PELI2: variants seen among roughly 807,000 people sequenced by gnomAD.
PELI2 encodes pellino E3 ubiquitin protein ligase family member 2.
In PELI2, 23 loss-of-function variants were observed where a neutral mutation model predicts 42.3. The observed-to-expected ratio is 0.54, with a 90% CI of 0.39 to 0.77. The LOEUF is 0.77. Among genes scored for constraint, PELI2 ranks in the 30% least tolerant of loss-of-function variants. The pLI is 0.00. For missense variants in PELI2, 463 were observed against 553.2 expected (o/e 0.84, Z 1.64); for synonymous variants, 245 against 212.2 (o/e 1.15, Z -1.34).
At position 56,134,837 on chromosome 14, in the gene PELI2, T is replaced by C. The variant is rs1316209141; in HGVS notation, c.77+16100T>C. Among the ~76,000 whole-genome samples, 5 of 152,224 alleles carry C rather than the reference T, an allele frequency of 3.3e-5. No individual in the cohort carries two copies. The East Asian group carries it at 9.7e-4, about 29-fold the overall frequency. The stretch of plus-strand genomic sequence containing the variant: ...AGCAGGAAAATATAAACCATCTTTT[T>C]TGTGTTTTTCTTTTATTACACCATC... On this transcript the variant is annotated intron_variant, in intron 1 of 5. Transcript: ENST00000267460.
intron 1 of PELI2, among the ~76,000 whole-genome samples, chr14:56,169,740 A>T (rs1031163541): frequency 6.6e-6 from 1 of 152,126 alleles, no homozygotes; most frequent in Non-Finnish European, 1.5e-5. Context: ...AGGTGGGACA[A>T]TGGGTGGAGC....
In PELI2 at chr14:56,197,928, CACACACACACACACACACACCA is replaced by C. The variant is rs1446580227; in HGVS notation, c.207+19465_207+19486del. 1.3e-5 allele frequency among the ~76,000 whole-genome samples: 2 copies of C among 148,558 alleles called. No homozygotes were observed. The highest frequency in any genetic ancestry group is 5.0e-5 in the African/African-American group (2 of 40,174). On this transcript the variant is annotated intron_variant, in intron 2 of 5. Transcript: ENST00000267460. This position sits in a 1 kb window ranked among gnomAD's most constrained non-coding sequence, Gnocchi z 4.9. ...GGTGACTGGTGAAGACACACACACACACACACACACACACACACACCAGGGATCATGACTGGTGAAGACACAC... is the reference window on the plus strand; with the variant it reads ...GGTGACTGGTGAAGACACACACACACGGGATCATGACTGGTGAAGACACAC...
chr14:56,241,314 G>T (rs1349283130), intron 2 of PELI2, among the ~76,000 whole-genome samples: 2 of 152,102 alleles, frequency 1.3e-5, no homozygotes, highest in South Asian at 2.1e-4. Flanking sequence ...TAGAACAATT[G>T]GGGGGGAAAA....
intron 2 of PELI2, among the ~76,000 whole-genome samples, chr14:56,179,338 T>C (rs2139669225): frequency 6.6e-6 from 1 of 152,250 alleles, no homozygotes; most frequent in Admixed American, 6.5e-5. Flanking sequence ...GAAAACCCAC[T>C]TTTGGAAGAA....
chr14:56,245,699 C>T (rs1001038264), intron 2 of PELI2, among the ~76,000 whole-genome samples: 2 of 152,194 alleles, frequency 1.3e-5, no homozygotes, highest in East Asian at 3.8e-4. Flanking sequence ...TCTCTGTCCA[C>T]AGGTTCTGCA....
intron 5 of PELI2, chr14:56,292,872 A>T (rs1889875881): frequency 2.2e-6 from 2 of 909,888 alleles, no homozygotes; most frequent in African/African-American, 3.6e-5. Context: ...ACATATGGTA[A>T]CATTTATAAT....
intron 2 of PELI2, among the ~76,000 whole-genome samples, chr14:56,275,679 A>G (rs1446968063): frequency 1.3e-5 from 2 of 152,198 alleles, no homozygotes; most frequent in African/African-American, 2.4e-5. Flanking sequence ...AGCTGTAAAT[A>G]CAGATGAAAC....
In PELI2 at chr14:56,287,555, A is replaced by G. The variant is rs74952943; in HGVS notation, c.310-882A>G. 5.3e-3 allele frequency among the ~76,000 whole-genome samples: 808 copies of G among 152,346 alleles called. 37 individuals are homozygous for G. In the East Asian group the frequency reaches 0.11, roughly 21 times the overall value. On this transcript the variant is annotated intron_variant, in intron 3 of 5. Coordinates refer to ENST00000267460, the MANE Select transcript of PELI2 (RefSeq NM_021255.3). The stretch of plus-strand genomic sequence containing the variant: ...TGTGTTTTCAAAACCTGAAATGCAT[A>G]TATCTAGGCAATATGCATCTGTTCA...
At chr14:56,145,260 A>G (rs1336613013) in intron 1 of PELI2, among the ~76,000 whole-genome samples, 1 of 152,142 alleles carries the variant, frequency 6.6e-6, no homozygotes, top group African/African-American at 2.4e-5. Context: ...TGAGAACTCT[A>G]TCAATCATGA....
At chr14:56,119,712 G>C (rs1157923352) in intron 1 of PELI2, 3 of 936,052 alleles carry the variant, frequency 3.2e-6, no homozygotes, top group Non-Finnish European at 3.8e-6. Context: ...AGGGGGAAGG[G>C]GGAAGTGCAG....
chr14:56,246,602 A>G (rs1278993701), intron 2 of PELI2, among the ~76,000 whole-genome samples: 2 of 152,192 alleles, frequency 1.3e-5, no homozygotes, highest in Non-Finnish European at 2.9e-5. Flanking sequence ...TGTTAAAAGC[A>G]GTGTTTACGG....
chr14:56,165,179 G>A (rs1235890470), intron 1 of PELI2, among the ~76,000 whole-genome samples: 3 of 151,966 alleles, frequency 2.0e-5, no homozygotes, highest in Non-Finnish European at 4.4e-5. Flanking sequence ...AAACTTCCCT[G>A]TTAGTACTAC....
At chr14:56,289,658 C>G (rs575470379) in intron 4 of PELI2, among the ~76,000 whole-genome samples, 2 of 151,874 alleles carry the variant, frequency 1.3e-5, no homozygotes, top group African/African-American at 4.8e-5. Flanking sequence ...AGCTCTGTCA[C>G]CAAGAAAGCT....
intron 2 of PELI2, among the ~76,000 whole-genome samples, chr14:56,252,304 T>C (rs776480153): frequency 1.3e-5 from 2 of 152,218 alleles, no homozygotes; most frequent in Non-Finnish European, 2.9e-5. Context: ...AGCAGAGGTG[T>C]TCCTATACCT....
chr14:56,177,438 T>C (rs1357063840), intron 1 of PELI2, among the ~76,000 whole-genome samples: 1 of 152,224 alleles, frequency 6.6e-6, no homozygotes, highest in Non-Finnish European at 1.5e-5. Context: ...TGTTCCTTGT[T>C]TTAGTTTTTT....
intron 2 of PELI2, among the ~76,000 whole-genome samples, chr14:56,222,628 G>A (rs1169688184): frequency 2.0e-5 from 3 of 152,204 alleles, no homozygotes; most frequent in Admixed American, 6.5e-5. Flanking sequence ...TCTTTTTAGT[G>A]CACAGTGAAA....
At chr14:56,254,246 A>C (rs865783360) in intron 2 of PELI2, among the ~76,000 whole-genome samples, 3 of 152,232 alleles carry the variant, frequency 2.0e-5, no homozygotes, top group Middle Eastern at 6.8e-3. Context: ...CAAATATACA[A>C]AAATTAGCTG....
intron 1 of PELI2, among the ~76,000 whole-genome samples, chr14:56,130,183 T>A (rs1883433380): frequency 6.6e-6 from 1 of 152,172 alleles, no homozygotes; most frequent in South Asian, 2.1e-4. Flanking sequence ...GCCCTGATGG[T>A]ATCTGTCCTT....
chr14:56,221,822 T>C (rs1210817634), intron 2 of PELI2, among the ~76,000 whole-genome samples: 1 of 152,220 alleles, frequency 6.6e-6, no homozygotes, highest in Non-Finnish European at 1.5e-5. Flanking sequence ...GACGAATTGC[T>C]TGGTTCCTTT....
Sources: allele counts gnomAD v4.1 joint callset (sites outside exome capture counted in the v4.1 genomes callset), GRCh38; gene constraint gnomAD v4.1.1; non-coding constraint Gnocchi (gnomAD v3.1); transcripts MANE v1.5; gene names NCBI Gene and HGNC (gene_info 2026-07-23, HGNC 2026-07-21).